Variants in FRMPD4 observed in about 807,000 individuals in gnomAD.
FRMPD4 encodes FERM and PDZ domain-containing protein 4.
Under a neutral mutation model 94.1 loss-of-function variants are expected in FRMPD4, and 22 were observed. The observed-to-expected ratio is 0.23, with a 90% CI of 0.17 to 0.33. The LOEUF is 0.33. FRMPD4 is among the 10% of genes least tolerant of loss of function. The pLI, the probability that FRMPD4 is intolerant of heterozygous loss-of-function variation, is 1.00. For missense variants in FRMPD4, 1,111 were observed against 1,339.9 expected (o/e 0.83, Z 2.67); for synonymous variants, 631 against 548.6 (o/e 1.15, Z -2.10).
chrX:12,218,681 T>C (rs981305162), intron 1 of FRMPD4, among the ~76,000 whole-genome samples: 7 of 112,046 alleles, frequency 6.2e-5, no homozygotes, highest in African/African-American at 2.3e-4. Flanking sequence ...GTGATAATCA[T>C]GACTGTCAAA....
intron 3 of FRMPD4, among the ~76,000 whole-genome samples, chrX:12,044,730 C>T (rs971591333): frequency 2.7e-5 from 3 of 111,610 alleles, no homozygotes; most frequent in African/African-American, 6.5e-5. Context: ...AGTGCAGGTC[C>T]GACTATTTTA....
intron 1 of FRMPD4, among the ~76,000 whole-genome samples, chrX:12,434,140 GT>G (rs2148111747): frequency 8.9e-6 from 1 of 111,796 alleles, no homozygotes; most frequent in Admixed American, 9.5e-5. Flanking sequence ...TTCACACATG[GT>G]TGTGTTCCTT....
intron 3 of FRMPD4, among the ~76,000 whole-genome samples, chrX:12,004,496 C>T (rs948467588): frequency 1.8e-5 from 2 of 111,522 alleles, no homozygotes; most frequent in African/African-American, 3.3e-5. Flanking sequence ...AAACTAGGAA[C>T]CATCATCTAA....
intron 1 of FRMPD4, among the ~76,000 whole-genome samples, chrX:12,495,780 T>C (rs1352981548): frequency 9.0e-6 from 1 of 111,729 alleles, no homozygotes; most frequent in Admixed American, 9.5e-5. Flanking sequence ...GAGCAGTGGG[T>C]CGCCACTTTG....
chrX:12,087,138 C>G (rs1422191391), intron 3 of FRMPD4, among the ~76,000 whole-genome samples: 1 of 111,320 alleles, frequency 9.0e-6, no homozygotes, highest in Admixed American at 9.5e-5. Context: ...GGATTAGAAA[C>G]AAGTCCCAGG....
Position 12,690,327 on chromosome X carries a change from G to T in FRMPD4, c.813+1G>T, listed in dbSNP as rs2060067987. 1 of 1,206,267 alleles carries T rather than the reference G, an allele frequency of 8.3e-7. No individual in the cohort carries two copies. Among genetic ancestry groups the T allele is most frequent in the Non-Finnish European group, 1.1e-6 (1 of 892,827 alleles). On this transcript the variant is annotated splice_donor_variant, in intron 8 of 16. Coordinates refer to ENST00000675598, the MANE Select transcript of FRMPD4 (RefSeq NM_001368397.1). LOFTEE classifies it high-confidence loss of function. The stretch of plus-strand genomic sequence containing the variant: ...TCATGAACAGGAGACTCTAACTCAG[G>T]TCTGTGAAATCTCACCCTCAAGTGA...
At chrX:11,888,658 A>G (rs533645126) in intron 3 of FRMPD4, among the ~76,000 whole-genome samples, 1 of 112,135 alleles carries the variant, frequency 8.9e-6, no homozygotes, top group East Asian at 2.8e-4. Flanking sequence ...CCAGACCACT[A>G]CAAGAACACA....
At chrX:12,401,361 C>T (rs1302391587) in intron 1 of FRMPD4, among the ~76,000 whole-genome samples, 1 of 109,860 alleles carries the variant, frequency 9.1e-6, no homozygotes, top group Non-Finnish European at 1.9e-5. Context: ...GTCTCCTCCC[C>T]TCTCTCATAG....
At chrX:12,411,465 G>A (rs751414839) in intron 1 of FRMPD4, among the ~76,000 whole-genome samples, 85 of 111,991 alleles carry the variant, frequency 7.6e-4, no homozygotes, top group South Asian at 7.1e-3. Flanking sequence ...ATTTAAATGG[G>A]ATTTAAGCTA....
At chrX:12,600,083 G>A (rs1015489465) in intron 2 of FRMPD4, among the ~76,000 whole-genome samples, 1 of 110,877 alleles carries the variant, frequency 9.0e-6, no homozygotes, top group Non-Finnish European at 1.9e-5. Flanking sequence ...AAATGTGAAG[G>A]TCTGGTTGCA....
chrX:12,585,181 G>T (rs1178552093), intron 2 of FRMPD4, among the ~76,000 whole-genome samples: 1 of 110,025 alleles, frequency 9.1e-6, no homozygotes, highest in Non-Finnish European at 1.9e-5. Context: ...GCCTCCCAAA[G>T]TGCTGAAATT....
chrX:11,947,383 A>G (rs181727186), intron 3 of FRMPD4, among the ~76,000 whole-genome samples: 8 of 112,317 alleles, frequency 7.1e-5, no homozygotes, highest in African/African-American at 2.6e-4. Flanking sequence ...CCTCTGAGCA[A>G]CATCATCTGG....
chrX:12,050,985 G>A lies in FRMPD4; in HGVS notation c.95+172967G>A, dbSNP rs912208281. ...ACTACAATGAAACACACACAGCAGG[G>A]AGGATGAATGAGCCAGAGCTCCATG... On this transcript the variant is annotated intron_variant, in intron 3 of 18. Transcript: ENST00000640291. 5.4e-5 allele frequency among the ~76,000 whole-genome samples: 6 copies of A among 111,633 alleles called. No individual in the cohort carries two copies. In the Admixed American group the frequency reaches 5.7e-4, roughly 11 times the overall value.
intron 3 of FRMPD4, among the ~76,000 whole-genome samples, chrX:11,911,982 G>C (rs1463992530): frequency 9.0e-6 from 1 of 111,533 alleles, no homozygotes; most frequent in Non-Finnish European, 1.9e-5. Context: ...TCTGTTTGTG[G>C]GTTTAATTGA....
Position 12,710,438 on chromosome X carries a change from C to T in FRMPD4, c.1510C>T (p.Leu504=). ...LLMESSDAMN[L]ACLTAGYYRL... Reference sequence around the variant, plus strand: ...GATGGAATCCTCAGATGCCATGAACCTGGCCTGCTTGACGGCTGGATACTA... The same window carrying T: ...GATGGAATCCTCAGATGCCATGAACTTGGCCTGCTTGACGGCTGGATACTA... The change falls in exon 14 of 17, where the codon CTG becomes TTG. Residue 504 remains leucine (L), a synonymous_variant. Coordinates refer to ENST00000675598, the MANE Select transcript of FRMPD4 (RefSeq NM_001368397.1). 5.0e-6 allele frequency: 6 copies of T among 1,201,438 alleles called. No individual in the cohort carries two copies. The highest frequency in any genetic ancestry group is 6.8e-6 in the Non-Finnish European group (6 of 886,426).
rs145333362 is a variant in FRMPD4 at position 12,324,302 on chromosome X, T to C, written c.42-174378T>C. On this transcript the variant is annotated intron_variant, in intron 1 of 16. Transcript: ENST00000675598. ...ACACGCACTCTAAAATATGCTCTTATTGTCAGTAGATTATGACTAAAATTA... is the reference window on the plus strand; with the variant it reads ...ACACGCACTCTAAAATATGCTCTTACTGTCAGTAGATTATGACTAAAATTA... Among the ~76,000 whole-genome samples the C allele has an allele frequency of 3.3e-4, 37 of 112,343 alleles. 1 individual carries two copies. The East Asian group carries it at 0.01, about 31-fold the overall frequency.
At chrX:12,231,010 G>GTATGTATGTA (rs1555938195) in intron 1 of FRMPD4, among the ~76,000 whole-genome samples, 2 of 39,144 alleles carry the variant, frequency 5.1e-5, no homozygotes, top group African/African-American at 1.9e-4. Context: ...ATAATATATA[G>GTATGTATGTA]TATATATAGT....
At chrX:12,340,694 A>G (rs941447071) in intron 1 of FRMPD4, among the ~76,000 whole-genome samples, 1 of 112,008 alleles carries the variant, frequency 8.9e-6, no homozygotes, top group Non-Finnish European at 1.9e-5. Context: ...TAGTCTGTGG[A>G]CCTTCATTTT....
At chrX:11,929,999 T>A (rs1285227460) in intron 3 of FRMPD4, among the ~76,000 whole-genome samples, 1 of 103,637 alleles carries the variant, frequency 9.6e-6, no homozygotes, top group Non-Finnish European at 2.0e-5. Context: ...TCCCAGCTAC[T>A]CGGGAGGCTG....
Sources: allele counts gnomAD v4.1 joint callset (sites outside exome capture counted in the v4.1 genomes callset), GRCh38; gene constraint gnomAD v4.1.1; transcripts MANE v1.5; gene names NCBI Gene and HGNC (gene_info 2026-07-23, HGNC 2026-07-21).